Variants in EIF4E3 observed in about 807,000 individuals in gnomAD.
EIF4E3 encodes the protein eukaryotic translation initiation factor 4E family member 3, also known as eukaryotic translation initiation factor 4E type 3.
Under a neutral mutation model 31.7 loss-of-function variants are expected in EIF4E3, and 26 were observed. That is an observed-to-expected ratio of 0.82 (90% CI 0.60 to 1.14). EIF4E3 has a LOEUF of 1.14. Among genes scored for constraint, EIF4E3 ranks in the 50% most tolerant of loss-of-function variants. The probability of loss-of-function intolerance (pLI) is 0.00; values close to 1 mark genes in which losing one functional copy is unlikely to be tolerated. For missense variants in EIF4E3, 304 were observed against 270.9 expected, an observed-to-expected ratio of 1.12 and a Z score of -0.86; for synonymous variants, 128 against 107.7, an observed-to-expected ratio of 1.19 and a Z score of -1.17.
rs1178228784 is a variant in EIF4E3, at chr3:71,690,096, T to C, written c.542A>G (p.Asn181Ser). ...REDVVQVWNV[N>S]ASLVGEATVL... The stretch of plus-strand genomic sequence containing the variant: ...AGTCGCTTCACCCACTAAAGAGGCA[T>C]TTACATTCCAGACTTGGACGACGTC... Residue 181 changes from asparagine (N) to serine (S), a missense_variant, in exon 6 of 7, where the codon AAT becomes AGT. Coordinates refer to ENST00000425534, the MANE Select transcript of EIF4E3 (RefSeq NM_001134651.2). 6.2e-7 allele frequency: 1 copy of C among 1,613,828 alleles called. No individual in the cohort carries two copies. The highest frequency in any genetic ancestry group is 8.5e-7 in the Non-Finnish European group (1 of 1,179,976).
chr3:71,660,337 A>C, the EIF4E3 span, among the ~76,000 whole-genome samples: 2 of 152,300 alleles, frequency 1.3e-5, no homozygotes, highest in Middle Eastern at 3.4e-3. Flanking sequence ...AGCTGAAAAA[A>C]AAAAGAAAGA....
At chr3:71,690,300 G>T in intron 5 of EIF4E3, 135 bp from the exon 6 acceptor site, 1 of 1,022,488 alleles carries the variant, frequency 9.8e-7, no homozygotes, top group Non-Finnish European at 1.3e-6. Context: ...TAACTTGTAA[G>T]AAATAATTGT....
chr3:71,705,449 G>A (rs1220501596), intron 2 of EIF4E3, among the ~76,000 whole-genome samples: 2 of 152,118 alleles, frequency 1.3e-5, no homozygotes, highest in Non-Finnish European at 2.9e-5. Context: ...TACTCTTTAG[G>A]AAGACTTTCT....
intron 1 of EIF4E3, among the ~76,000 whole-genome samples, chr3:71,721,485 C>A (rs2049548692): frequency 6.6e-6 from 1 of 152,178 alleles, no homozygotes; most frequent in South Asian, 2.1e-4. Flanking sequence ...CACCCAAAAT[C>A]TCATCTTGAA....
chr3:71,734,227 CAA>C (rs1379660009), intron 1 of EIF4E3, among the ~76,000 whole-genome samples: 3 of 152,152 alleles, frequency 2.0e-5, no homozygotes, highest in Non-Finnish European at 4.4e-5. Flanking sequence ...GTCATCATTA[CAA>C]AAGAGGAGCT....
chr3:71,718,235 A>T (rs1296601880), intron 1 of EIF4E3, among the ~76,000 whole-genome samples: 1 of 152,214 alleles, frequency 6.6e-6, no homozygotes, highest in Non-Finnish European at 1.5e-5. Flanking sequence ...ATTAAAGATG[A>T]TTTCATTTTA....
chr3:71,672,198 GCTCT>G (rs898445402), downstream of EIF4E3, among the ~76,000 whole-genome samples: 4 of 151,920 alleles, frequency 2.6e-5, no homozygotes, highest in East Asian at 3.9e-4. Flanking sequence ...CCAAACGTGG[GCTCT>G]CTCTAACATT....
At position 71,725,170 on chromosome 3, in the gene EIF4E3, G is replaced by T; in HGVS notation, c.176+22C>A. ...CAGGACCCGGGTCGGGGCCGTGCGCGGCGGGCCCCGCGCCCCCTCACCTGT... is the reference window on the plus strand; with the variant it reads ...CAGGACCCGGGTCGGGGCCGTGCGCTGCGGGCCCCGCGCCCCCTCACCTGT... On this transcript the variant is annotated intron_variant, in intron 1 of 6. Coordinates refer to ENST00000425534, the MANE Select transcript of EIF4E3 (RefSeq NM_001134651.2). This position sits in a 1 kb window ranked among gnomAD's most constrained non-coding sequence, Gnocchi z 6.1. 9.3e-7 allele frequency: 1 copy of T among 1,077,778 alleles called. No homozygotes were observed. The highest frequency in any genetic ancestry group is 3.5e-5 in the South Asian group (1 of 28,266). 66.8% of individuals were successfully genotyped at this position (1,077,778 alleles called of 1,614,324 possible).
chr3:71,697,624 T>C (rs372609886), intron 3 of EIF4E3, among the ~76,000 whole-genome samples: 2 of 152,006 alleles, frequency 1.3e-5, no homozygotes, highest in Admixed American at 1.3e-4. Context: ...GTTCAGGGTT[T>C]TTTTTTTTTA....
downstream of EIF4E3, among the ~76,000 whole-genome samples, chr3:71,674,053 A>T (rs1273603018): frequency 7.4e-6 from 1 of 134,834 alleles, no homozygotes; most frequent in African/African-American, 2.7e-5. Flanking sequence ...CTTCAGTGAG[A>T]ATTTGTTCAG....
chr3:71,740,655 C>T (rs996970150), intron 1 of EIF4E3, among the ~76,000 whole-genome samples: 2 of 151,686 alleles, frequency 1.3e-5, no homozygotes, highest in Non-Finnish European at 2.9e-5. Flanking sequence ...GACACCTGAA[C>T]CCAGGAGGCA....
rs1239333531 is a variant in EIF4E3 at position 71,676,651 on chromosome 3, T to C, written c.*8031A>G. ...ATTTTACAATGAAAACTTTGCCATATCTGAAAGTGTTTCTGTGGAACCACC... is the reference window on the plus strand; with the variant it reads ...ATTTTACAATGAAAACTTTGCCATACCTGAAAGTGTTTCTGTGGAACCACC... On this transcript the variant is annotated 3_prime_UTR_variant, in exon 7 of 7. Coordinates refer to ENST00000425534, the MANE Select transcript of EIF4E3 (RefSeq NM_001134651.2). 6.6e-6 allele frequency: 1 copy of C among 152,120 alleles called. No individual in the cohort carries two copies. Among genetic ancestry groups the C allele is most frequent in the Non-Finnish European group, 1.5e-5 (1 of 68,004 alleles). 9.4% of individuals were successfully genotyped at this position (152,120 alleles called of 1,614,324 possible). A position where few individuals can be genotyped will look rare whatever the true frequency, so the allele number is the denominator to read the frequency against.
At chr3:71,660,015 C>T in the EIF4E3 span, among the ~76,000 whole-genome samples, 1 of 152,180 alleles carries the variant, frequency 6.6e-6, no homozygotes, top group Non-Finnish European at 1.5e-5. Flanking sequence ...GAATCTGAGG[C>T]CCACTCCTGG....
At chr3:71,737,235 T>A (rs138424420) in intron 1 of EIF4E3, among the ~76,000 whole-genome samples, 12 of 152,332 alleles carry the variant, frequency 7.9e-5, no homozygotes, top group African/African-American at 2.6e-4. Flanking sequence ...AAGTTTCACT[T>A]CTCCGAAGTC....
Position 71,725,178 on chromosome 3 carries a change from C to A in EIF4E3, c.176+14G>T. On this transcript the variant is annotated intron_variant, in intron 1 of 6. Transcript: ENST00000425534. The surrounding 1 kb of genome is among the most constrained non-coding windows in gnomAD (Gnocchi z 6.1). ...GGGTCGGGGCCGTGCGCGGCGGGCC[C>A]CGCGCCCCCTCACCTGTCGAGCCAG... is the stretch of plus-strand genomic sequence containing the variant. 1.8e-6 allele frequency: 2 copies of A among 1,086,270 alleles called. No homozygotes were observed. The highest frequency in any genetic ancestry group is 6.9e-5 in the East Asian group (1 of 14,580). The allele number at this position is 1,086,270 out of a possible 1,614,324, so 67.3% of individuals were successfully genotyped here. A position where few individuals can be genotyped will look rare whatever the true frequency, so the allele number is the denominator to read the frequency against.
rs369665822 is a variant in EIF4E3, at chr3:71,675,670, A to G, written c.*9012T>C. Reference sequence around the variant, plus strand: ...TTGTGTGACCTTGAACGAATTCTTTATACTTTCTGGGTCATTTCTTCATCT... The same window carrying G: ...TTGTGTGACCTTGAACGAATTCTTTGTACTTTCTGGGTCATTTCTTCATCT... On this transcript the variant is annotated 3_prime_UTR_variant, in exon 7 of 7. Coordinates refer to ENST00000425534, the MANE Select transcript of EIF4E3 (RefSeq NM_001134651.2). 1 of 152,206 alleles carries G rather than the reference A, an allele frequency of 6.6e-6. No homozygotes were observed. The highest frequency in any genetic ancestry group is 2.4e-5 in the African/African-American group (1 of 41,458). The allele number at this position is 152,206 out of a possible 1,614,324, so 9.4% of individuals were successfully genotyped here.
the EIF4E3 span, among the ~76,000 whole-genome samples, chr3:71,670,136 G>A: frequency 1.3e-5 from 2 of 152,138 alleles, no homozygotes; most frequent in Admixed American, 6.5e-5. Context: ...CTAAACTGTC[G>A]AACGTCAGGG....
the EIF4E3 span, among the ~76,000 whole-genome samples, chr3:71,669,558 G>A: frequency 4.6e-5 from 7 of 152,196 alleles, no homozygotes; most frequent in Non-Finnish European, 8.8e-5. Context: ...AAATGGATAC[G>A]TTAAATGGCT....
At chr3:71,726,253 G>T (rs1217580603), upstream of EIF4E3, among the ~76,000 whole-genome samples, 1 of 152,158 alleles carries the variant, frequency 6.6e-6, no homozygotes, top group African/African-American at 2.4e-5. Flanking sequence ...ATCCAGATCT[G>T]CCCTAAAGCA....
Sources: allele counts gnomAD v4.1 joint callset (sites outside exome capture counted in the v4.1 genomes callset), GRCh38; gene constraint gnomAD v4.1.1; non-coding constraint Gnocchi (gnomAD v3.1); transcripts MANE v1.5; gene names NCBI Gene and HGNC (gene_info 2026-07-23, HGNC 2026-07-21).